SMARCA4: variants seen among roughly 807,000 people sequenced by gnomAD.
SMARCA4 encodes the protein SWI/SNF related BAF chromatin remodeling complex subunit ATPase 4, also known as SWI/SNF-related matrix-associated actin-dependent regulator of chromatin subfamily A member 4.
A neutral mutation model predicts 193.9 loss-of-function variants in SMARCA4; 31 were observed. That is an observed-to-expected ratio of 0.16 (90% CI 0.12 to 0.22). The LOEUF (loss-of-function observed/expected upper bound fraction) is 0.22. Among genes scored for constraint, SMARCA4 ranks in the 10% least tolerant of loss-of-function variants. The pLI is 1.00. For missense variants in SMARCA4, 1,148 were observed against 2,296.0 expected (o/e 0.50, Z 10.22); for synonymous variants, 942 against 933.1 (o/e 1.01, Z -0.17).
chr19:10,980,416 TC>T (rs1277301214), intron 1 of SMARCA4, among the ~76,000 whole-genome samples: 9 of 152,166 alleles, frequency 5.9e-5, no homozygotes, highest in Admixed American at 4.6e-4. Flanking sequence ...TTGGAGCCGT[TC>T]CTGGAGGCTG....
chr19:11,033,925 C>T lies in SMARCA4; in HGVS notation c.3873+60C>T, dbSNP rs2146671310. 1 of 758,042 alleles carries T rather than the reference C, an allele frequency of 1.3e-6. No homozygotes were observed. 47.0% of individuals were successfully genotyped at this position (758,042 alleles called of 1,614,324 possible). ...ATCCTCGGCTTCTCGGCTGAGACGG[C>T]CAGCAAGGGCCCTGGTCCCACGGAG... is the stretch of plus-strand genomic sequence containing the variant. On this transcript the variant is annotated intron_variant, in intron 27 of 34. Coordinates refer to ENST00000344626, the MANE Select transcript of SMARCA4 (RefSeq NM_003072.5). This position sits in a 1 kb window ranked among gnomAD's most constrained non-coding sequence, Gnocchi z 9.8.
rs545455657 is a variant in SMARCA4, at chr19:11,056,957, G to T, written c.4425-1298G>T. ...ACTCAGGACACCCAAACAGACGGCG[G>T]GGCCAGCCAGTGGCATGGGCGGGCT... On this transcript the variant is annotated intron_variant, in intron 30 of 34. Coordinates refer to ENST00000344626, the MANE Select transcript of SMARCA4 (RefSeq NM_003072.5). Among the ~76,000 whole-genome samples the T allele has an allele frequency of 2.2e-4, 33 of 152,332 alleles. No homozygotes were observed. In the East Asian group the frequency reaches 6.0e-3, roughly 28 times the overall value.
chr19:10,995,835 A>G (rs1342220647), intron 9 of SMARCA4: 3 of 369,242 alleles, frequency 8.1e-6, no homozygotes, highest in Non-Finnish European at 1.6e-5. Context: ...CTGTGGGGTG[A>G]TGTGATCTGA....
chr19:11,060,741 T>G (rs898497528), intron 34 of SMARCA4, among the ~76,000 whole-genome samples: 2 of 152,196 alleles, frequency 1.3e-5, no homozygotes, highest in Non-Finnish European at 2.9e-5. Flanking sequence ...AAGCTTCAGT[T>G]TCCTCTTATG....
chr19:11,041,085 C>T lies in SMARCA4; in HGVS notation c.4171-222C>T, dbSNP rs936976854. ...CAACCATTAGTTTTTTAAAGACAAG[C>T]TTGGGTGGGGTGCCTGCTGGGGGCA... On this transcript the variant is annotated intron_variant, in intron 29 of 34. Transcript: ENST00000344626. The surrounding 1 kb of genome is among the most constrained non-coding windows in gnomAD (Gnocchi z 5.6). 7 of 552,340 alleles carry T rather than the reference C, an allele frequency of 1.3e-5. No homozygotes were observed. In the African/African-American group the frequency reaches 1.3e-4, roughly 10 times the overall value. 34.2% of individuals were successfully genotyped at this position (552,340 alleles called of 1,614,324 possible). A position where few individuals can be genotyped will look rare whatever the true frequency, so the allele number is the denominator to read the frequency against.
intron 9 of SMARCA4, chr19:10,995,206 G>T: frequency 1.5e-6 from 1 of 684,996 alleles, no homozygotes; most frequent in Non-Finnish European, 2.7e-6. Context: ...ATGACTGTGT[G>T]ACCTCAGGCC....
intron 30 of SMARCA4, among the ~76,000 whole-genome samples, chr19:11,044,333 A>G (rs1262602650): frequency 6.6e-6 from 1 of 152,344 alleles, no homozygotes; most frequent in Admixed American, 6.5e-5. Flanking sequence ...GGGAGCCAAA[A>G]GCCACTAATC....
chr19:10,989,277 C>T (rs1172455684), intron 6 of SMARCA4, 40 bp from the exon 7 acceptor site: 1 of 1,612,536 alleles, frequency 6.2e-7, no homozygotes, highest in Admixed American at 1.7e-5. Context: ...GGTGCCCTGG[C>T]AACCCTCTCA....
intron 15 of SMARCA4, 157 bp from the exon 16 acceptor site, chr19:11,012,792 T>C: frequency 1.4e-6 from 1 of 711,738 alleles, no homozygotes; most frequent in South Asian, 1.5e-5. Flanking sequence ...AAGAATCAGT[T>C]TGGTTCAGAG....
Position 11,017,050 on chromosome 19 carries a change from G to A in SMARCA4, c.2439-1907G>A, listed in dbSNP as rs1409796047. 5.9e-5 allele frequency among the ~76,000 whole-genome samples: 9 copies of A among 152,232 alleles called. No individual in the cohort carries two copies. In the East Asian group the frequency reaches 7.7e-4, roughly 13 times the overall value. ...TCAGTGCTAGGAGATTCATGTGCGC[G>A]TGCTGATGCTTTGTGCACGTATCGT... On this transcript the variant is annotated intron_variant, in intron 16 of 34. Transcript: ENST00000344626.
At position 11,059,848 on chromosome 19, in the gene SMARCA4, G is replaced by A. The variant is rs1179573588; in HGVS notation, c.4731G>A (p.Glu1577=). ...EDDSEGEESE[E]EEEGEEEGSE... ...ACAGTGAAGGCGAGGAGAGTGAGGA[G>A]GAGGAAGAGGGCGAGGAGGAAGGCT... The change falls in exon 33 of 35, where the codon GAG becomes GAA. Residue 1577 remains glutamate (E), a synonymous_variant. Transcript: ENST00000344626. 1.9e-6 allele frequency: 3 copies of A among 1,613,822 alleles called. No individual in the cohort carries two copies. Among genetic ancestry groups the A allele is most frequent in the African/African-American group, 2.7e-5 (2 of 74,948 alleles).
At chr19:11,032,960 GCT>G in intron 25 of SMARCA4, 2 of 430,792 alleles carry the variant, frequency 4.6e-6, no homozygotes, top group Non-Finnish European at 4.4e-6. Context: ...GTAGGTCCAC[GCT>G]GTGGGGAGCT....
At chr19:10,983,123 C>T (rs891717364) in intron 1 of SMARCA4, among the ~76,000 whole-genome samples, 20 of 152,168 alleles carry the variant, frequency 1.3e-4, no homozygotes, top group Non-Finnish European at 1.5e-5. Context: ...GGTGCGTCTT[C>T]AGCCAGCGAG....
intron 1 of SMARCA4, chr19:10,983,811 A>C: frequency 8.7e-6 from 4 of 458,598 alleles, no homozygotes; most frequent in Non-Finnish European, 1.6e-5. Flanking sequence ...TGAAGGGTAG[A>C]CCAGCACCCC....
At chr19:10,974,817 C>T (rs1249377165) in intron 1 of SMARCA4, among the ~76,000 whole-genome samples, 2 of 142,770 alleles carry the variant, frequency 1.4e-5, no homozygotes, top group Non-Finnish European at 3.0e-5. Context: ...AGTGATTCTC[C>T]TGCCTCTGCC....
chr19:11,011,052 T>G (rs1342947629), intron 15 of SMARCA4: 9 of 221,938 alleles, frequency 4.1e-5, no homozygotes, highest in Non-Finnish European at 6.4e-5. Flanking sequence ...GGGTGAAAAG[T>G]TGGTGGCTCT....
intron 29 of SMARCA4, chr19:11,039,344 ACCCTGTC>A: frequency 1.7e-6 from 1 of 586,930 alleles, no homozygotes; most frequent in Non-Finnish European, 3.0e-6. Flanking sequence ...ACAGAATGAG[ACCCTGTC>A]TCTGAAAAAA....
rs768898007 is a variant in SMARCA4, at chr19:11,061,831, G to GTC, written c.*18_*19dup. The GTC allele has an allele frequency of 1.4e-5, 22 of 1,613,626 alleles. No individual in the cohort carries two copies. The highest frequency in any genetic ancestry group is 3.3e-4 in the Middle Eastern group (2 of 6,084). On this transcript the variant is annotated 3_prime_UTR_variant, in exon 35 of 35. Coordinates refer to ENST00000344626, the MANE Select transcript of SMARCA4 (RefSeq NM_003072.5). ...AAGAAGACTGAGCCCCGACATTCCA[G>GTC]TCTCGACCCCGAGCCCCTCGTTCCA...
Position 10,987,958 on chromosome 19 carries a change from C to A in SMARCA4, c.1118+34C>A. Reference sequence around the variant, plus strand: ...GGGGCCCAGTTGCCAAGGTCACTGCCCTGTGTCCCCCATGTCCCCCTGGGG... The same window carrying A: ...GGGGCCCAGTTGCCAAGGTCACTGCACTGTGTCCCCCATGTCCCCCTGGGG... On this transcript the variant is annotated intron_variant, in intron 6 of 34. Coordinates refer to ENST00000344626, the MANE Select transcript of SMARCA4 (RefSeq NM_003072.5). The surrounding 1 kb of genome is among the most constrained non-coding windows in gnomAD (Gnocchi z 5.3). 2 of 1,608,574 alleles carry A rather than the reference C, an allele frequency of 1.2e-6. No homozygotes were observed. The highest frequency in any genetic ancestry group is 1.7e-6 in the Non-Finnish European group (2 of 1,178,070).
Sources: allele counts gnomAD v4.1 joint callset (sites outside exome capture counted in the v4.1 genomes callset), GRCh38; gene constraint gnomAD v4.1.1; non-coding constraint Gnocchi (gnomAD v3.1); transcripts MANE v1.5; gene names NCBI Gene and HGNC (gene_info 2026-07-23, HGNC 2026-07-21).